RORC: variants seen among roughly 807,000 people sequenced by gnomAD.
The protein encoded by RORC is nuclear receptor ROR-gamma.
In RORC, 13 loss-of-function variants were observed where a neutral mutation model predicts 64.5. The observed-to-expected ratio is 0.20, with a 90% CI of 0.13 to 0.32. RORC has a LOEUF of 0.32. RORC is among the 10% of genes least tolerant of loss of function. The pLI, the probability that RORC is intolerant of heterozygous loss-of-function variation, is 1.00. For missense variants in RORC, 468 were observed against 669.5 expected (o/e 0.70, Z 3.32); for synonymous variants, 277 against 259.3 (o/e 1.07, Z -0.65).
chr1:151,817,122 G>GTGTGTGTGTGTGTGTGTGTGTGTT, intron 3 of RORC, 73 bp downstream of exon 3: 1 of 908,966 alleles, frequency 1.1e-6, no homozygotes, highest in East Asian at 2.4e-5. Flanking sequence ...CTGTGTGTGT[G>GTGTGTGTGTGTGTGTGTGTGTGTT]TGTGTGTGTG....
intron 2 of RORC, among the ~76,000 whole-genome samples, chr1:151,819,675 T>C (rs899799819): frequency 2.0e-5 from 3 of 152,208 alleles, no homozygotes; most frequent in Admixed American, 2.0e-4. Context: ...GTGTGTGTGC[T>C]GACCACATGG....
At chr1:151,816,851 C>A (rs150746910) in intron 3 of RORC, 46 bp from the exon 4 acceptor site, 20 of 1,466,412 alleles carry the variant, frequency 1.4e-5, no homozygotes, top group Non-Finnish European at 1.5e-5. Context: ...CTGGTCAGGC[C>A]CAGCTCACTC....
intron 2 of RORC, among the ~76,000 whole-genome samples, chr1:151,824,796 C>A (rs909987130): frequency 6.6e-6 from 1 of 152,174 alleles, no homozygotes; most frequent in African/African-American, 2.4e-5. Flanking sequence ...CCTTGTTTTG[C>A]GGATGGTAGA....
chr1:151,819,104 C>A (rs1053411583), intron 2 of RORC, among the ~76,000 whole-genome samples: 1 of 152,020 alleles, frequency 6.6e-6, no homozygotes, highest in Non-Finnish European at 1.5e-5. Context: ...CAGGACCAGG[C>A]GGTAAGTGAG....
intron 6 of RORC, 87 bp downstream of exon 6, chr1:151,814,487 A>G: frequency 2.1e-6 from 3 of 1,434,270 alleles, no homozygotes; most frequent in Non-Finnish European, 2.9e-6. Flanking sequence ...GCCCTGCCCC[A>G]GGACCCAGTC....
chr1:151,814,862 G>A (rs760618493), intron 5 of RORC, 51 bp downstream of exon 5: 2 of 1,581,874 alleles, frequency 1.3e-6, no homozygotes, highest in Non-Finnish European at 1.7e-6. Context: ...GGGTACTGGT[G>A]GAAACCCCTC....
chr1:151,817,428 G>C lies in RORC; in HGVS notation c.71-148C>G, dbSNP rs184719416. The C allele has an allele frequency of 3.9e-4, 249 of 633,768 alleles. 2 individuals carry two copies. In the Admixed American group the frequency reaches 5.4e-3, roughly 14 times the overall value. 39.3% of individuals were successfully genotyped at this position (633,768 alleles called of 1,614,324 possible). The stretch of plus-strand genomic sequence containing the variant: ...CTGTTTCCCTCTTGCAAAATGGAAG[G>C]GGAAGTGAAATGCCAAATGCTTCTC... On this transcript the variant is annotated intron_variant, in intron 2 of 10. Transcript: ENST00000318247.
chr1:151,829,638 C>T (rs1273946737), intron 1 of RORC, among the ~76,000 whole-genome samples, 180 bp from the exon 2 acceptor site: 2 of 152,204 alleles, frequency 1.3e-5, no homozygotes, highest in African/African-American at 4.8e-5. Context: ...GCCACACTGG[C>T]CCTCTTCCAG....
chr1:151,821,952 C>T (rs767633197), intron 2 of RORC, among the ~76,000 whole-genome samples: 1 of 152,116 alleles, frequency 6.6e-6, no homozygotes, highest in Non-Finnish European at 1.5e-5. Flanking sequence ...TCTCTAAGGC[C>T]AAGTGGGATG....
In RORC at chr1:151,830,840, C is replaced by T; in HGVS notation, c.40+885G>A. The T allele has an allele frequency of 2.2e-6, 2 of 895,174 alleles. No individual in the cohort carries two copies. The highest frequency in any genetic ancestry group is 3.3e-5 in the South Asian group (2 of 61,136). 55.5% of individuals were successfully genotyped at this position (895,174 alleles called of 1,614,324 possible). On this transcript the variant is annotated intron_variant, in intron 1 of 10. Transcript: ENST00000318247. The surrounding 1 kb of genome is among the most constrained non-coding windows in gnomAD (Gnocchi z 4.0). ...CCCCTTGCTCCTGCCTGGCCCCACC[C>T]AGCTTCCTCCCTGACGTGGCACCGG...
At chr1:151,819,114 G>C (rs1226285539) in intron 2 of RORC, among the ~76,000 whole-genome samples, 2 of 152,190 alleles carry the variant, frequency 1.3e-5, no homozygotes, top group Non-Finnish European at 2.9e-5. Flanking sequence ...CGGTAAGTGA[G>C]TTTTCCAGGT....
intron 2 of RORC, among the ~76,000 whole-genome samples, chr1:151,826,429 C>T (rs191887626): frequency 7.9e-5 from 12 of 152,298 alleles, no homozygotes; most frequent in Admixed American, 2.6e-4. Flanking sequence ...ACTTCAGGGA[C>T]AGGGATGTTT....
intron 2 of RORC, among the ~76,000 whole-genome samples, chr1:151,828,574 A>G (rs867493615): frequency 6.6e-6 from 1 of 152,280 alleles, no homozygotes; most frequent in East Asian, 1.9e-4. Context: ...TCTGTTTCCT[A>G]CAGAGATAAA....
Position 151,815,441 on chromosome 1 carries a change from G to C in RORC, c.299-16C>G. ...AACTTGACAGCTGAAAGAGGTCCAG[G>C]GACCAGGGGTTTATGAGGCAGGAGA... On this transcript the variant is annotated splice_polypyrimidine_tract_variant and intron_variant, in intron 4 of 10. Coordinates refer to ENST00000318247, the MANE Select transcript of RORC (RefSeq NM_005060.4). 1 of 1,518,768 alleles carries C rather than the reference G, an allele frequency of 6.6e-7. No individual in the cohort carries two copies. The highest frequency in any genetic ancestry group is 8.8e-7 in the Non-Finnish European group (1 of 1,133,484). 94.1% of individuals were successfully genotyped at this position (1,518,768 alleles called of 1,614,324 possible).
chr1:151,811,213 G>A (rs2101653493), intron 10 of RORC, 112 bp downstream of exon 10: 4 of 614,150 alleles, frequency 6.5e-6, no homozygotes, highest in East Asian at 2.6e-5. Flanking sequence ...CTAACAGAGA[G>A]TGGTACTCCC....
chr1:151,828,923 G>A (rs992563705), intron 2 of RORC, among the ~76,000 whole-genome samples: 3 of 150,980 alleles, frequency 2.0e-5, no homozygotes, highest in East Asian at 3.9e-4. Flanking sequence ...AGGTTGCAGT[G>A]AGCCGAGATT....
At chr1:151,810,713 A>G (rs1196080085) in intron 10 of RORC, among the ~76,000 whole-genome samples, 16 of 151,876 alleles carry the variant, frequency 1.1e-4, no homozygotes, top group Non-Finnish European at 2.9e-5. Context: ...TTTTATTTTT[A>G]GTAGAGATGG....
chr1:151,814,436 T>C, intron 6 of RORC, 138 bp downstream of exon 6: 1 of 789,244 alleles, frequency 1.3e-6, no homozygotes, highest in Non-Finnish European at 2.0e-6. Context: ...ACATAAAAGG[T>C]GTGCACATGC....
chr1:151,820,042 G>A (rs1348388535), intron 2 of RORC, among the ~76,000 whole-genome samples: 1 of 152,140 alleles, frequency 6.6e-6, no homozygotes, highest in Non-Finnish European at 1.5e-5. Context: ...GACGGCTGCG[G>A]AAACACTGAA....
Sources: gnomAD v4.1 joint callset for allele counts (sites outside exome capture counted in the v4.1 genomes callset) on GRCh38, gnomAD v4.1.1 for gene constraint, Gnocchi (gnomAD v3.1) non-coding constraint, MANE v1.5 for transcripts, NCBI Gene and HGNC (gene_info 2026-07-23, HGNC 2026-07-21) for gene names.